Variants in MYO5A observed in about 807,000 individuals in gnomAD.
The protein encoded by MYO5A is unconventional myosin-Va.
Under a neutral mutation model 249.7 loss-of-function variants are expected in MYO5A, and 98 were observed. The observed-to-expected ratio is 0.39, with a 90% CI of 0.33 to 0.46. The LOEUF is 0.46. Ranked by LOEUF, MYO5A falls within the 20% of genes least tolerant of loss-of-function variation. The pLI is 0.98. For missense variants in MYO5A, 1,696 were observed against 2,308.8 expected (o/e 0.73, Z 5.44); for synonymous variants, 778 against 810.6 (o/e 0.96, Z 0.68).
intron 1 of MYO5A, among the ~76,000 whole-genome samples, chr15:52,494,985 C>A (rs28422883): frequency 0.016 from 2,452 of 152,250 alleles, 73 homozygotes; most frequent in African/African-American, 0.057. Context: ...AATTTTCCTT[C>A]TACTATCTAC....
At chr15:52,425,711 C>T in intron 4 of MYO5A, 119 bp downstream of exon 4, 1 of 1,181,736 alleles carries the variant, frequency 8.5e-7, no homozygotes, top group South Asian at 1.3e-5. Flanking sequence ...CTTGTCAAGG[C>T]TGCTTATTTA....
In MYO5A at chr15:52,311,877, C is replaced by T. The variant is rs2037785893; in HGVS notation, c.*1819G>A. The T allele has an allele frequency of 6.6e-6, 1 of 152,580 alleles. No homozygotes were observed. Among genetic ancestry groups the T allele is most frequent in the Admixed American group, 6.5e-5 (1 of 15,272 alleles). 9.5% of individuals were successfully genotyped at this position (152,580 alleles called of 1,614,324 possible). A position where few individuals can be genotyped will look rare whatever the true frequency, so the allele number is the denominator to read the frequency against. ...ACAGACAGTATTTATCTTTTAATAACAATCTTTATCACTGATATGAAGCTG... is the reference window on the plus strand; with the variant it reads ...ACAGACAGTATTTATCTTTTAATAATAATCTTTATCACTGATATGAAGCTG... On this transcript the variant is annotated 3_prime_UTR_variant, in exon 42 of 42. Coordinates refer to ENST00000399233, the MANE Select transcript of MYO5A (RefSeq NM_001382347.1).
intron 1 of MYO5A, among the ~76,000 whole-genome samples, chr15:52,458,707 T>C (rs1161500528): frequency 2.6e-5 from 4 of 151,976 alleles, no homozygotes; most frequent in African/African-American, 9.7e-5. Flanking sequence ...ACACATTCTA[T>C]GCATGTATCA....
chr15:52,487,359 T>C (rs959223905), intron 1 of MYO5A, among the ~76,000 whole-genome samples: 4 of 151,510 alleles, frequency 2.6e-5, no homozygotes, highest in Non-Finnish European at 5.9e-5. Context: ...AAGACTGCAG[T>C]GAGCCATGAT....
At chr15:52,381,767 C>G (rs932216181) in intron 16 of MYO5A, among the ~76,000 whole-genome samples, 3 of 77,152 alleles carry the variant, frequency 3.9e-5, no homozygotes, top group African/African-American at 1.0e-4. Flanking sequence ...TTTTGTGTCT[C>G]TCTCTCTCTC....
At chr15:52,434,316 A>G (rs892483324) in intron 1 of MYO5A, among the ~76,000 whole-genome samples, 2 of 151,952 alleles carry the variant, frequency 1.3e-5, no homozygotes, top group African/African-American at 4.8e-5. Flanking sequence ...GGATTTTTTT[A>G]TGGTGGTTTG....
chr15:52,428,697 C>T, intron 2 of MYO5A, 128 bp from the exon 3 acceptor site: 1 of 953,768 alleles, frequency 1.0e-6, no homozygotes, highest in Non-Finnish European at 1.7e-6. Context: ...TTCCTAGCAC[C>T]TTCCAATATC....
chr15:52,478,048 G>C (rs1015142717), intron 1 of MYO5A, among the ~76,000 whole-genome samples: 1 of 152,156 alleles, frequency 6.6e-6, no homozygotes, highest in Non-Finnish European at 1.5e-5. Context: ...CTTGAGCTGC[G>C]GTGGGCTCCA....
At chr15:52,343,723 C>A (rs1456020307) in intron 30 of MYO5A, among the ~76,000 whole-genome samples, 1 of 152,130 alleles carries the variant, frequency 6.6e-6, no homozygotes, top group Non-Finnish European at 1.5e-5. Flanking sequence ...TAAATCAGAA[C>A]ATGTCCAAGG....
chr15:52,464,152 C>T (rs1320492264), intron 1 of MYO5A, among the ~76,000 whole-genome samples: 1 of 152,180 alleles, frequency 6.6e-6, no homozygotes, highest in Non-Finnish European at 1.5e-5. Context: ...AAAACCACTA[C>T]ACAGTTTTGT....
chr15:52,348,906 G>C, intron 28 of MYO5A, 80 bp from the exon 29 acceptor site: 1 of 1,451,480 alleles, frequency 6.9e-7, no homozygotes, highest in South Asian at 1.3e-5. Flanking sequence ...TCATCAATGA[G>C]TTCCTATTAT....
intron 9 of MYO5A, among the ~76,000 whole-genome samples, chr15:52,404,252 A>G (rs2042896819): frequency 2.2e-5 from 3 of 138,284 alleles, no homozygotes. Context: ...GGGCGACAAG[A>G]GTGAAACTCC....
At chr15:52,387,619 T>TA (rs2042023653) in intron 14 of MYO5A, 6 of 517,390 alleles carry the variant, frequency 1.2e-5, no homozygotes, top group Middle Eastern at 5.4e-4. Flanking sequence ...GCCTCATCCA[T>TA]AAAATAAGAG....
chr15:52,355,022 T>C (rs1008084783), intron 25 of MYO5A, among the ~76,000 whole-genome samples: 9 of 152,178 alleles, frequency 5.9e-5, no homozygotes, highest in Non-Finnish European at 1.2e-4. Flanking sequence ...ATATAAAAAT[T>C]TGGAAGGCCA....
chr15:52,367,186 G>A (rs184904642), intron 22 of MYO5A, 62 bp from the exon 23 acceptor site: 17 of 1,398,956 alleles, frequency 1.2e-5, no homozygotes, highest in Middle Eastern at 3.5e-4. Flanking sequence ...GATGACCAAG[G>A]ATAAAGACCA....
intron 23 of MYO5A, among the ~76,000 whole-genome samples, chr15:52,366,629 CAAAAA>C (rs60631867): frequency 0.022 from 1,633 of 74,636 alleles, 20 homozygotes; most frequent in African/African-American, 0.064. Flanking sequence ...ATTGATTTAG[CAAAAA>C]AAAAAAAAAA....
chr15:52,373,952 T>TA, intron 20 of MYO5A, among the ~76,000 whole-genome samples: 1 of 60,146 alleles, frequency 1.7e-5, no homozygotes. Flanking sequence ...TCACTTCAAA[T>TA]AAAAATAAAT....
At position 52,397,426 on chromosome 15, in the gene MYO5A, C is replaced by T. The variant is rs758345429; in HGVS notation, c.1094G>A (p.Gly365Asp). ...EPLCIFCELM[G>D]VDYEEMCHWL... ...GTGACACATCTCCTCATAGTCCACA[C>T]CCATGAGTTCACAGAAGATGCAGAG... is the stretch of plus-strand genomic sequence containing the variant. The change falls in exon 10 of 42, where the codon GGT becomes GAT. Residue 365 changes from glycine (G) to aspartate (D), a missense_variant. Around this residue, in one of 5 missense-constraint regions of MYO5A, gnomAD observed 185 missense variants for 204.8 expected, o/e 0.90. Coordinates refer to ENST00000399233, the MANE Select transcript of MYO5A (RefSeq NM_001382347.1). 3.5e-5 allele frequency: 56 copies of T among 1,613,772 alleles called. No homozygotes were observed. The highest frequency in any genetic ancestry group is 4.2e-5 in the Non-Finnish European group (50 of 1,179,810).
chr15:52,516,800 T>G (rs923757066), intron 1 of MYO5A, among the ~76,000 whole-genome samples: 4 of 152,208 alleles, frequency 2.6e-5, no homozygotes, highest in Admixed American at 2.0e-4. Flanking sequence ...TTTGTTCTAA[T>G]TAGGAGGACA....
Sources: allele counts gnomAD v4.1 joint callset (sites outside exome capture counted in the v4.1 genomes callset), GRCh38; gene constraint gnomAD v4.1.1; regional missense constraint gnomAD v4.1.1; transcripts MANE v1.5; gene names NCBI Gene and HGNC (gene_info 2026-07-23, HGNC 2026-07-21).